Variants in RYR3 observed in about 807,000 individuals in gnomAD.
The protein encoded by RYR3 is brain ryanodine receptor-calcium release channel.
In RYR3, 207 loss-of-function variants were observed where a neutral mutation model predicts 584.3. The observed-to-expected ratio is 0.35, with a 90% CI of 0.32 to 0.40. The LOEUF is 0.40. Ranked by LOEUF, RYR3 falls within the 10% of genes least tolerant of loss-of-function variation. RYR3 has a pLI of 1.00. For missense variants in RYR3, 5,616 were observed against 6,089.2 expected (o/e 0.92, Z 2.59); for synonymous variants, 2,416 against 2,248.5 (o/e 1.07, Z -2.11).
chr15:33,493,346 G>A (rs1379804667), intron 2 of RYR3, among the ~76,000 whole-genome samples: 2 of 152,070 alleles, frequency 1.3e-5, no homozygotes, highest in African/African-American at 2.4e-5. Flanking sequence ...AAGCTCTTTG[G>A]AATAACATCT....
At chr15:33,815,622 G>C (rs1008792053) in intron 74 of RYR3, among the ~76,000 whole-genome samples, 1 of 152,122 alleles carries the variant, frequency 6.6e-6, no homozygotes, top group Non-Finnish European at 1.5e-5. Context: ...GTTTTAGAGG[G>C]GCTGCTATGG....
chr15:33,367,133 AG>A (rs1180510649), intron 1 of RYR3, among the ~76,000 whole-genome samples: 1 of 152,236 alleles, frequency 6.6e-6, no homozygotes, highest in African/African-American at 2.4e-5. Flanking sequence ...TATTTTCAGT[AG>A]CCAGAGGCTG....
chr15:33,843,784 T>G (rs2078533199), intron 92 of RYR3, among the ~76,000 whole-genome samples: 2 of 152,224 alleles, frequency 1.3e-5, no homozygotes, highest in African/African-American at 2.4e-5. Context: ...ACTATTTCAA[T>G]AGTTCATGCT....
intron 1 of RYR3, among the ~76,000 whole-genome samples, chr15:33,472,502 A>G (rs537124596): frequency 6.6e-6 from 1 of 152,316 alleles, no homozygotes; most frequent in African/African-American, 2.4e-5. Flanking sequence ...TGGCTCCCCC[A>G]GGTCACTTCC....
chr15:33,646,581 G>A (rs2062115806), intron 29 of RYR3, 55 bp downstream of exon 29: 2 of 1,494,152 alleles, frequency 1.3e-6, no homozygotes, highest in Admixed American at 2.1e-5. Context: ...CTGTAAAGTG[G>A]GCTTTCTGCT....
At chr15:33,352,728 C>T (rs1402025220) in intron 1 of RYR3, among the ~76,000 whole-genome samples, 1 of 152,182 alleles carries the variant, frequency 6.6e-6, no homozygotes, top group Non-Finnish European at 1.5e-5. Context: ...TTTGATTACT[C>T]TTACTGAGTT....
At chr15:33,591,247 G>A (rs2152533586) in intron 16 of RYR3, among the ~76,000 whole-genome samples, 1 of 152,292 alleles carries the variant, frequency 6.6e-6, no homozygotes, top group Non-Finnish European at 1.5e-5. Flanking sequence ...ATCTTTTTCT[G>A]ATTCCAGTTG....
intron 3 of RYR3, among the ~76,000 whole-genome samples, chr15:33,513,991 C>T (rs1360459911): frequency 6.6e-6 from 1 of 152,204 alleles, no homozygotes; most frequent in African/African-American, 2.4e-5. Context: ...TTCTTGCCTA[C>T]AGCTCACGCA....
chr15:33,457,114 G>T (rs1329695663), intron 1 of RYR3, among the ~76,000 whole-genome samples: 1 of 152,144 alleles, frequency 6.6e-6, no homozygotes, highest in Non-Finnish European at 1.5e-5. Flanking sequence ...TGGGGAAGAA[G>T]ATTAAAATTT....
At chr15:33,718,165 T>A (rs966641083) in intron 43 of RYR3, among the ~76,000 whole-genome samples, 1 of 152,122 alleles carries the variant, frequency 6.6e-6, no homozygotes, top group Admixed American at 6.5e-5. Context: ...CTTACTGAGG[T>A]GGGACTTGAT....
intron 60 of RYR3, among the ~76,000 whole-genome samples, chr15:33,763,899 A>AAAAAAAC (rs2072745293): frequency 7.6e-6 from 1 of 131,402 alleles, no homozygotes; most frequent in African/African-American, 3.1e-5. Flanking sequence ...TCTCAAAAAA[A>AAAAAAAC]AAAAAAAAAA....
intron 5 of RYR3, among the ~76,000 whole-genome samples, chr15:33,533,820 T>G (rs1464780500): frequency 2.0e-5 from 3 of 152,232 alleles, no homozygotes; most frequent in African/African-American, 7.2e-5. Flanking sequence ...AGTAGTGTTT[T>G]CCAAATGTTA....
At chr15:33,432,586 G>T (rs2045264652) in intron 1 of RYR3, among the ~76,000 whole-genome samples, 1 of 149,688 alleles carries the variant, frequency 6.7e-6, no homozygotes, top group Non-Finnish European at 1.5e-5. Flanking sequence ...TAGATGTGAA[G>T]ATTTTTCTTT....
intron 1 of RYR3, among the ~76,000 whole-genome samples, chr15:33,344,900 T>A (rs1195172862): frequency 6.6e-6 from 1 of 152,144 alleles, no homozygotes; most frequent in African/African-American, 2.4e-5. Context: ...TTAGCAGAAG[T>A]TCTGATGCTA....
chr15:33,684,815 T>C (rs1455072231), intron 38 of RYR3, among the ~76,000 whole-genome samples: 6 of 152,026 alleles, frequency 3.9e-5, no homozygotes, highest in Non-Finnish European at 5.9e-5. Flanking sequence ...TTAAAGACTT[T>C]TCAACCCAGA....
chr15:33,767,526 T>C (rs1162289010), intron 60 of RYR3, among the ~76,000 whole-genome samples: 1 of 2,450 alleles, frequency 4.1e-4, no homozygotes, highest in African/African-American at 4.5e-4. Context: ...AGGGCATTTA[T>C]TGAAAACATT....
At chr15:33,479,415 A>G (rs1394254389) in intron 2 of RYR3, among the ~76,000 whole-genome samples, 2 of 121,264 alleles carry the variant, frequency 1.6e-5, no homozygotes, top group Non-Finnish European at 3.8e-5. Flanking sequence ...AGACCAGGCT[A>G]TTATAAAACT....
chr15:33,627,807 C>T (rs2061069474), intron 20 of RYR3, among the ~76,000 whole-genome samples: 1 of 152,054 alleles, frequency 6.6e-6, no homozygotes, highest in South Asian at 2.1e-4. Context: ...AGTTATAAGG[C>T]TCTTGGAATG....
At chr15:33,516,279 A>G (rs2053512529) in intron 3 of RYR3, among the ~76,000 whole-genome samples, 1 of 150,964 alleles carries the variant, frequency 6.6e-6, no homozygotes, top group South Asian at 2.1e-4. Flanking sequence ...CCCCGAAATG[A>G]TCCTGTTTTT....
Sources: gnomAD v4.1 joint callset for allele counts (sites outside exome capture counted in the v4.1 genomes callset) on GRCh38, gnomAD v4.1.1 for gene constraint, MANE v1.5 for transcripts, NCBI Gene and HGNC (gene_info 2026-07-23, HGNC 2026-07-21) for gene names.